DNAJB14: variants seen among roughly 807,000 people sequenced by gnomAD.
The protein encoded by DNAJB14 is DnaJ heat shock protein family (Hsp40) member B14.
In DNAJB14, 22 loss-of-function variants were observed where a neutral mutation model predicts 48.4. That is an observed-to-expected ratio of 0.45 (90% CI 0.32 to 0.65). DNAJB14 has a LOEUF of 0.65. DNAJB14 is among the 30% of genes least tolerant of loss of function. The probability of loss-of-function intolerance (pLI) is 0.03; values close to 1 mark genes in which losing one functional copy is unlikely to be tolerated. For synonymous variants in DNAJB14, 142 were observed against 158.7 expected, an observed-to-expected ratio of 0.89 and a Z score of 0.79; for missense variants, 319 against 458.8, an observed-to-expected ratio of 0.70 and a Z score of 2.78.
intron 2 of DNAJB14, chr4:99,924,846 T>C: frequency 6.7e-7 from 1 of 1,481,850 alleles, no homozygotes; most frequent in Non-Finnish European, 9.4e-7. Flanking sequence ...TATAACTAAT[T>C]TGACTGCATA....
intron 6 of DNAJB14, 96 bp downstream of exon 6, chr4:99,905,501 G>A: frequency 2.5e-6 from 2 of 794,640 alleles, no homozygotes; most frequent in Non-Finnish European, 4.1e-6. Flanking sequence ...AATAGATTTG[G>A]CACTTAAAAG....
At position 99,919,737 on chromosome 4, in the gene DNAJB14, T is replaced by A. The variant is rs199713869; in HGVS notation, c.451+3303A>T. On this transcript the variant is annotated intron_variant, in intron 3 of 7. Coordinates refer to ENST00000442697, the MANE Select transcript of DNAJB14 (RefSeq NM_001031723.4). ...TTGTTTTCTTTATTTTATATATTAA[T>A]GTTTGGGGTTTTCAGTTGTACTCAT... Among the ~76,000 whole-genome samples the A allele has an allele frequency of 3.3e-5, 5 of 152,342 alleles. No homozygotes were observed. In the East Asian group the frequency reaches 9.6e-4, roughly 29 times the overall value.
chr4:99,913,649 T>C (rs1725748941), intron 3 of DNAJB14, among the ~76,000 whole-genome samples: 1 of 150,518 alleles, frequency 6.6e-6, no homozygotes, highest in Non-Finnish European at 1.5e-5. Flanking sequence ...TTCTGTAATG[T>C]CTTTGGTTTT....
At chr4:99,929,586 G>A (rs1053498922) in intron 2 of DNAJB14, 17 of 151,712 alleles carry the variant, frequency 1.1e-4, no homozygotes, top group South Asian at 2.1e-4. Flanking sequence ...TACAAATTAT[G>A]GTAAATAAAA....
intron 4 of DNAJB14, among the ~76,000 whole-genome samples, chr4:99,907,565 C>A (rs1018711561): frequency 6.6e-6 from 1 of 152,014 alleles, no homozygotes; most frequent in African/African-American, 2.4e-5. Context: ...GTAGTACCAG[C>A]AACTTGGGAG....
chr4:99,931,842 AC>A (rs1726482432), intron 1 of DNAJB14, among the ~76,000 whole-genome samples: 1 of 152,010 alleles, frequency 6.6e-6, no homozygotes. Context: ...AAAAGAAAAA[AC>A]AAAATAAAAA....
intron 3 of DNAJB14, among the ~76,000 whole-genome samples, chr4:99,918,697 C>T (rs1276804904): frequency 6.6e-6 from 1 of 152,186 alleles, no homozygotes; most frequent in Admixed American, 6.5e-5. Flanking sequence ...CAGGCCTCCA[C>T]TTACGTCTCC....
At position 99,946,611 on chromosome 4, in the gene DNAJB14, A is replaced by G. The variant is rs1056128606; in HGVS notation, c.-40T>C. 1.2e-6 allele frequency: 2 copies of G among 1,607,120 alleles called. No homozygotes were observed. The highest frequency in any genetic ancestry group is 1.7e-6 in the Non-Finnish European group (2 of 1,175,692). On this transcript the variant is annotated 5_prime_UTR_variant, in exon 1 of 8. Coordinates refer to ENST00000442697, the MANE Select transcript of DNAJB14 (RefSeq NM_001031723.4). ...TCCGTTTCCTCCGGCAGCGCAGCTA[A>G]GAAGGGCGGAAGCCGCCGCCGCGGA...
chr4:99,922,962 A>G, intron 3 of DNAJB14, 78 bp downstream of exon 3: 1 of 1,432,164 alleles, frequency 7.0e-7, no homozygotes, highest in South Asian at 1.5e-5. Context: ...GTCCAAAAGC[A>G]GAACTTAATA....
At chr4:99,921,905 G>A (rs545766082) in intron 3 of DNAJB14, among the ~76,000 whole-genome samples, 2 of 152,100 alleles carry the variant, frequency 1.3e-5, no homozygotes, top group South Asian at 2.1e-4. Flanking sequence ...CTTTATCTTT[G>A]TTTAATAAAG....
Position 99,946,556 on chromosome 4 carries a change from C to G in DNAJB14, c.16G>C (p.Asp6His). 1.2e-6 allele frequency: 2 copies of G among 1,613,780 alleles called. No homozygotes were observed. The highest frequency in any genetic ancestry group is 1.7e-5 in the Admixed American group (1 of 60,006). The part of the protein sequence containing the change: MEGNR[D>H]EAEKCVEIAR... ...ATCTCGACACATTTCTCAGCCTCAT[C>G]CCTGTTCCCCTCCATAGCTTGCTCC... Residue 6 changes from aspartate to histidine, a missense_variant, in exon 1 of 8, where the codon GAT becomes CAT. This residue lies in a region of DNAJB14 where 116 missense variants were observed against 134.6 expected (regional missense o/e 0.86). Coordinates refer to ENST00000442697, the MANE Select transcript of DNAJB14 (RefSeq NM_001031723.4).
intron 7 of DNAJB14, among the ~76,000 whole-genome samples, chr4:99,903,034 G>C (rs946372285): frequency 6.6e-6 from 1 of 152,060 alleles, no homozygotes; most frequent in African/African-American, 2.4e-5. Context: ...TCAGAGCTAG[G>C]ATTCAACTTT....
intron 5 of DNAJB14, 152 bp downstream of exon 5, chr4:99,906,365 A>G (rs1725466976): frequency 3.3e-6 from 3 of 920,216 alleles, no homozygotes; most frequent in African/African-American, 1.7e-5. Context: ...CTATTCCTAC[A>G]ATGTCCCTAA....
chr4:99,913,621 G>GT (rs372025043), intron 3 of DNAJB14, among the ~76,000 whole-genome samples: 4,192 of 107,574 alleles, frequency 0.039, 125 homozygotes, highest in East Asian at 0.098. Flanking sequence ...CTGGTCTGTA[G>GT]TTTTTTTTTT....
At chr4:99,905,528 C>T in intron 6 of DNAJB14, 69 bp downstream of exon 6, 1 of 1,192,688 alleles carries the variant, frequency 8.4e-7, no homozygotes, top group Non-Finnish European at 1.2e-6. Flanking sequence ...AGAGCACAAG[C>T]TCTTTAAAGG....
chr4:99,904,369 G>C (rs960404578), intron 6 of DNAJB14, among the ~76,000 whole-genome samples: 1 of 152,108 alleles, frequency 6.6e-6, no homozygotes, highest in African/African-American at 2.4e-5. Context: ...AACAACCACA[G>C]GTTGTCCACA....
At chr4:99,912,607 G>A (rs764265479) in intron 3 of DNAJB14, among the ~76,000 whole-genome samples, 2 of 152,070 alleles carry the variant, frequency 1.3e-5, no homozygotes, top group Non-Finnish European at 2.9e-5. Flanking sequence ...AGCCTCCTGA[G>A]TAGCTGGGAT....
chr4:99,918,366 T>C (rs1398816512), intron 3 of DNAJB14, among the ~76,000 whole-genome samples: 5 of 152,232 alleles, frequency 3.3e-5, no homozygotes, highest in Non-Finnish European at 4.4e-5. Flanking sequence ...GAGATTCTTT[T>C]AAGTTTATTT....
intron 1 of DNAJB14, among the ~76,000 whole-genome samples, chr4:99,945,062 C>T (rs1363021131): frequency 6.6e-6 from 1 of 152,056 alleles, no homozygotes; most frequent in Non-Finnish European, 1.5e-5. Context: ...TCTTAGGAGA[C>T]GGGGCGGTAG....
Sources: allele counts gnomAD v4.1 joint callset (sites outside exome capture counted in the v4.1 genomes callset), GRCh38; gene constraint gnomAD v4.1.1; regional missense constraint gnomAD v4.1.1; transcripts MANE v1.5; gene names NCBI Gene and HGNC (gene_info 2026-07-23, HGNC 2026-07-21).